The following MAP2K3 variants were observed in gnomAD, a reference collection of about 807,000 sequenced individuals.
The protein encoded by MAP2K3 is dual specificity mitogen-activated protein kinase kinase 3.
A neutral mutation model predicts 46.4 loss-of-function variants in MAP2K3; 30 were observed. The ratio of observed to expected loss-of-function variants is 0.65; its 90% confidence interval spans 0.48 to 0.88. MAP2K3 has a LOEUF of 0.88. Among genes scored for constraint, MAP2K3 ranks in the 40% least tolerant of loss-of-function variants. The probability of loss-of-function intolerance (pLI) is 0.00; values close to 1 mark genes in which losing one functional copy is unlikely to be tolerated. For synonymous variants in MAP2K3, 189 were observed against 176.3 expected, an observed-to-expected ratio of 1.07 and a Z score of -0.57; for missense variants, 380 against 464.5, an observed-to-expected ratio of 0.82 and a Z score of 1.67.
chr17:21,302,019 G>A lies in MAP2K3; in HGVS notation c.400-124G>A, dbSNP rs375087020. Reference sequence around the variant, plus strand: ...GTGGGTGGGAGCCCGGTGAACTGTGGCTGAGTGGGTGGGCACACGTCGGAG... The same window carrying A: ...GTGGGTGGGAGCCCGGTGAACTGTGACTGAGTGGGTGGGCACACGTCGGAG... On this transcript the variant is annotated intron_variant, in intron 5 of 11. Transcript: ENST00000342679. 1.8e-4 allele frequency: 165 copies of A among 936,866 alleles called. No individual in the cohort carries two copies. The East Asian group carries it at 4.1e-3, about 23-fold the overall frequency. The allele number at this position is 936,866 out of a possible 1,614,324, so 58.0% of individuals were successfully genotyped here.
At chr17:21,292,383 C>G (rs1286401773) in intron 1 of MAP2K3, among the ~76,000 whole-genome samples, 3 of 151,346 alleles carry the variant, frequency 2.0e-5, no homozygotes. Context: ...TTTCCTTCTT[C>G]TTCTCATTTT....
intron 1 of MAP2K3, among the ~76,000 whole-genome samples, chr17:21,292,387 TCA>T (rs1283737217): frequency 3.3e-5 from 5 of 152,058 alleles, no homozygotes; most frequent in Non-Finnish European, 5.9e-5. Flanking sequence ...CTTCTTCTTC[TCA>T]TTTTTTTTTT....
intron 1 of MAP2K3, 131 bp downstream of exon 1, chr17:21,285,100 C>T: frequency 2.9e-6 from 4 of 1,361,518 alleles, no homozygotes; most frequent in Non-Finnish European, 3.9e-6. Context: ...CCCGGAACCC[C>T]TTCCTGTTCG....
chr17:21,298,514 G>A, intron 2 of MAP2K3, 35 bp downstream of exon 2: 1 of 1,614,282 alleles, frequency 6.2e-7, no homozygotes, highest in Non-Finnish European at 8.5e-7. Context: ...GGCTCACCCT[G>A]GAGAGGCTTC....
At chr17:21,298,823 A>T (rs1417126729) in intron 2 of MAP2K3, 55 bp from the exon 3 acceptor site, 13 of 1,613,636 alleles carry the variant, frequency 8.1e-6, no homozygotes, top group Non-Finnish European at 1.1e-5. Flanking sequence ...CTACTGCTGC[A>T]CTTGGGGAAG....
chr17:21,299,360 G>A (rs573614526), intron 3 of MAP2K3, among the ~76,000 whole-genome samples: 11 of 152,426 alleles, frequency 7.2e-5, no homozygotes, highest in South Asian at 4.1e-4. Context: ...CTCAGGGACC[G>A]TGCTATGCCC....
At chr17:21,293,068 C>T (rs977321779) in intron 1 of MAP2K3, among the ~76,000 whole-genome samples, 14 of 152,424 alleles carry the variant, frequency 9.2e-5, no homozygotes, top group African/African-American at 3.4e-4. Flanking sequence ...GACACCCCAG[C>T]ACATAGTAGG....
intron 1 of MAP2K3, among the ~76,000 whole-genome samples, chr17:21,294,093 C>T (rs1429148882): frequency 5.9e-5 from 9 of 152,306 alleles, no homozygotes; most frequent in Non-Finnish European, 1.5e-5. Context: ...CACGCAAAAG[C>T]CTGTGCCCAC....
chr17:21,285,539 T>A (rs1438434082), intron 1 of MAP2K3, among the ~76,000 whole-genome samples: 1 of 151,924 alleles, frequency 6.6e-6, no homozygotes, highest in Non-Finnish European at 1.5e-5. Flanking sequence ...CTCCCCCAGC[T>A]CTTCTTATCC....
chr17:21,307,320 C>T (rs1976938470), intron 9 of MAP2K3, among the ~76,000 whole-genome samples: 1 of 152,302 alleles, frequency 6.6e-6, no homozygotes, highest in African/African-American at 2.4e-5. Context: ...AGCTCCATGC[C>T]AGGAACAAAG....
intron 1 of MAP2K3, among the ~76,000 whole-genome samples, chr17:21,290,937 G>A (rs1472457801): frequency 7.9e-5 from 12 of 152,222 alleles, no homozygotes; most frequent in Non-Finnish European, 1.5e-5. Flanking sequence ...GTGAGACCCT[G>A]TCTGTTTAAA....
At chr17:21,285,406 C>A in intron 1 of MAP2K3, 1 of 477,760 alleles carries the variant, frequency 2.1e-6, no homozygotes, top group Non-Finnish European at 2.7e-6. Flanking sequence ...AGGGCTGTAT[C>A]CAGGTTGGGA....
chr17:21,313,690 C>A, intron 11 of MAP2K3, 153 bp downstream of exon 11: 1 of 671,202 alleles, frequency 1.5e-6, no homozygotes, highest in South Asian at 1.7e-5. Context: ...TTTGTTTGCT[C>A]CTGCATACCT....
intron 1 of MAP2K3, among the ~76,000 whole-genome samples, chr17:21,293,871 A>G (rs984631814): frequency 6.6e-6 from 1 of 152,306 alleles, no homozygotes; most frequent in Non-Finnish European, 1.5e-5. Context: ...CTTGTCCTGC[A>G]TCCTCTCCAG....
intron 9 of MAP2K3, among the ~76,000 whole-genome samples, chr17:21,308,833 A>C (rs1977026949): frequency 6.6e-6 from 1 of 152,190 alleles, no homozygotes. Context: ...TTGTCCATCC[A>C]TCATGATTGT....
intron 3 of MAP2K3, among the ~76,000 whole-genome samples, chr17:21,299,637 G>A (rs1400533222): frequency 1.4e-5 from 2 of 145,832 alleles, no homozygotes; most frequent in African/African-American, 2.6e-5. Context: ...AGCCATGATC[G>A]TACCACTGCC....
At chr17:21,293,322 C>G (rs1000180896) in intron 1 of MAP2K3, among the ~76,000 whole-genome samples, 1 of 152,154 alleles carries the variant, frequency 6.6e-6, no homozygotes, top group Admixed American at 6.5e-5. Flanking sequence ...GCCTCCTTCC[C>G]TCTCCAGCGA....
intron 1 of MAP2K3, among the ~76,000 whole-genome samples, chr17:21,293,829 G>T (rs1287250798): frequency 6.6e-6 from 1 of 152,312 alleles, no homozygotes; most frequent in African/African-American, 2.4e-5. Context: ...CTGGCATGGA[G>T]CAGGCACTTG....
chr17:21,313,530 A>G lies in MAP2K3; in HGVS notation c.953A>G (p.Glu318Gly), dbSNP rs748212878. The G allele has an allele frequency of 5.2e-6, 8 of 1,543,388 alleles. No homozygotes were observed. The South Asian group carries it at 7.8e-5, about 15-fold the overall frequency. ...KNPAERMSYL[E>G]LMEHPFFTLH... The stretch of plus-strand genomic sequence containing the variant: ...CCCGCAGAGCGTATGAGCTACCTGG[A>G]GCTGATGGTGAGTATGGGCGGGAGG... The change falls in exon 11 of 12, where the codon GAG (glutamate) becomes GGG (glycine). Residue 318 changes from glutamate (E) to glycine (G), a missense_variant. Around this residue, in one of 5 missense-constraint regions of MAP2K3, gnomAD observed 63 missense variants for 81.6 expected, o/e 0.77. Coordinates refer to ENST00000342679, the MANE Select transcript of MAP2K3 (RefSeq NM_145109.3).
Sources: allele counts gnomAD v4.1 joint callset (sites outside exome capture counted in the v4.1 genomes callset), GRCh38; gene constraint gnomAD v4.1.1; regional missense constraint gnomAD v4.1.1; transcripts MANE v1.5; gene names NCBI Gene and HGNC (gene_info 2026-07-23, HGNC 2026-07-21).